Variants in FAM227A observed in about 807,000 individuals in gnomAD.
The protein encoded by FAM227A is family with sequence similarity 227 member A.
FAM227A carries 80 observed loss-of-function variants against 74.7 expected under a neutral mutation model. That is an observed-to-expected ratio of 1.07 (90% CI 0.89 to 1.29). FAM227A has a LOEUF of 1.29. Among genes scored for constraint, FAM227A ranks in the 50% most tolerant of loss-of-function variants. The pLI is 0.00. For synonymous variants in FAM227A, 237 were observed against 241.8 expected, an observed-to-expected ratio of 0.98 and a Z score of 0.19; for missense variants, 654 against 683.4, an observed-to-expected ratio of 0.96 and a Z score of 0.48.
intron 15 of FAM227A, among the ~76,000 whole-genome samples, chr22:38,593,100 C>T (rs568605284): frequency 2.0e-5 from 3 of 152,322 alleles, no homozygotes; most frequent in Non-Finnish European, 2.9e-5. Context: ...CCATGGATCC[C>T]GCCATCAAGG....
intron 3 of FAM227A, among the ~76,000 whole-genome samples, chr22:38,643,617 T>C (rs2092163734): frequency 6.6e-6 from 1 of 152,088 alleles, no homozygotes; most frequent in Non-Finnish European, 1.5e-5. Context: ...AACTAAACTC[T>C]CACCATAGGA....
chr22:38,611,162 T>C (rs936049620), intron 11 of FAM227A, among the ~76,000 whole-genome samples: 5 of 152,044 alleles, frequency 3.3e-5, no homozygotes, highest in African/African-American at 1.2e-4. Flanking sequence ...GGGTTGGGGG[T>C]AAACCAAGAC....
intron 3 of FAM227A, among the ~76,000 whole-genome samples, chr22:38,642,614 G>C (rs2092141057): frequency 6.6e-6 from 1 of 152,182 alleles, no homozygotes; most frequent in Admixed American, 6.6e-5. Flanking sequence ...ATATTTGCAA[G>C]AAAATCCAAC....
intron 11 of FAM227A, among the ~76,000 whole-genome samples, chr22:38,613,217 C>T (rs1179939684): frequency 4.0e-5 from 2 of 50,368 alleles, no homozygotes; most frequent in African/African-American, 1.7e-4. Flanking sequence ...TATATCTATG[C>T]TGTATATATA....
chr22:38,611,072 A>T (rs1602936399), intron 11 of FAM227A, among the ~76,000 whole-genome samples: 1 of 152,160 alleles, frequency 6.6e-6, no homozygotes. Context: ...AAAAAGAAAA[A>T]AAAAATCTTT....
intron 15 of FAM227A, among the ~76,000 whole-genome samples, chr22:38,596,657 A>G (rs2091050919): frequency 6.6e-6 from 1 of 151,462 alleles, no homozygotes; most frequent in Admixed American, 6.6e-5. Context: ...TGCCTGATGG[A>G]CAGTTCAGTG....
At chr22:38,646,575 A>T (rs1350299078) in intron 2 of FAM227A, among the ~76,000 whole-genome samples, 1 of 151,584 alleles carries the variant, frequency 6.6e-6, no homozygotes, top group African/African-American at 2.4e-5. Context: ...TATTTCTTAC[A>T]TACATATTTT....
chr22:38,645,424 AAAAT>A, intron 3 of FAM227A, 135 bp downstream of exon 3: 1 of 606,388 alleles, frequency 1.6e-6, no homozygotes, highest in Non-Finnish European at 2.9e-6. Context: ...AATTTTTAAA[AAAAT>A]TAACTTTGAA....
chr22:38,613,076 A>AAT (rs1219904485), intron 11 of FAM227A, among the ~76,000 whole-genome samples: 93 of 98,054 alleles, frequency 9.5e-4, no homozygotes, highest in African/African-American at 3.6e-3. Context: ...AATATATTAT[A>AAT]TATAATTATA....
intron 11 of FAM227A, among the ~76,000 whole-genome samples, chr22:38,616,580 C>T (rs2091581004): frequency 6.6e-6 from 1 of 151,674 alleles, no homozygotes. Flanking sequence ...GCAGAAGAAT[C>T]GCTTGAACCT....
At chr22:38,646,366 TCTC>T (rs2092239580) in intron 2 of FAM227A, among the ~76,000 whole-genome samples, 1 of 139,276 alleles carries the variant, frequency 7.2e-6, no homozygotes, top group South Asian at 2.4e-4. Context: ...TTCACGCCAT[TCTC>T]CTGCCTCAGC....
Position 38,597,345 on chromosome 22 carries a change from G to T in FAM227A, c.1391C>A (p.Pro464Gln). ...EKTTSTPDCT[P>Q]TYTDVISETL... is the part of the protein sequence containing the mutation. ...CTCGCTGATGACATCAGTATACGTT[G>T]GGGTGCAGTCAGTGGCTTCCGCTGT... Residue 464 changes from proline to glutamine, a missense_variant, in exon 15 of 17, where the codon CCA (proline) becomes CAA (glutamine). Physicochemically the swap from Pro to Gln is moderately conservative, Grantham distance 76 (BLOSUM62 -1). Transcript: ENST00000535113. 1 of 1,551,770 alleles carries T rather than the reference G, an allele frequency of 6.4e-7. No individual in the cohort carries two copies. Among genetic ancestry groups the T allele is most frequent in the East Asian group, 2.4e-5 (1 of 40,918 alleles).
intron 2 of FAM227A, among the ~76,000 whole-genome samples, chr22:38,647,294 G>A (rs2092256966): frequency 1.3e-5 from 2 of 151,958 alleles, no homozygotes; most frequent in South Asian, 2.1e-4. Flanking sequence ...GTGAAATCCC[G>A]TCTCTACTAA....
At chr22:38,616,404 T>C (rs2091576619) in intron 11 of FAM227A, among the ~76,000 whole-genome samples, 1 of 152,150 alleles carries the variant, frequency 6.6e-6, no homozygotes, top group East Asian at 1.9e-4. Flanking sequence ...GGCTCATGCC[T>C]GTAATCCCAG....
chr22:38,638,862 G>A (rs5757193), intron 4 of FAM227A, 40 bp from the exon 5 acceptor site: 379,505 of 1,350,380 alleles, frequency 0.28, 55,117 homozygotes, highest in East Asian at 0.35. Context: ...AGTAACCACA[G>A]GGTCTGTCCA....
chr22:38,619,512 C>T (rs183275959), intron 11 of FAM227A, among the ~76,000 whole-genome samples: 17 of 152,160 alleles, frequency 1.1e-4, no homozygotes, highest in Admixed American at 3.9e-4. Flanking sequence ...TTAGTAGAGA[C>T]GAGGTTTCAC....
At chr22:38,646,055 G>T (rs2092229838) in intron 2 of FAM227A, among the ~76,000 whole-genome samples, 1 of 152,054 alleles carries the variant, frequency 6.6e-6, no homozygotes, top group South Asian at 2.1e-4. Flanking sequence ...AAAGTGCTCA[G>T]ATCACAGGCA....
Position 38,645,163 on chromosome 22 carries a change from G to A in FAM227A, c.225+400C>T, listed in dbSNP as rs530175933. 3.3e-5 allele frequency among the ~76,000 whole-genome samples: 5 copies of A among 152,156 alleles called. No individual in the cohort carries two copies. The East Asian group carries it at 7.7e-4, about 24-fold the overall frequency. ...TCCTAGCACTTTGGGAGGCCAAGGC[G>A]GGCAGATCACGAAGTCAAGAGAGCG... On this transcript the variant is annotated intron_variant, in intron 3 of 16. Transcript: ENST00000535113.
rs1299579754 is a variant in FAM227A at position 38,579,711 on chromosome 22, A to T, written c.*6414T>A. 1 of 152,186 alleles carries T rather than the reference A, an allele frequency of 6.6e-6. No homozygotes were observed. Among genetic ancestry groups the T allele is most frequent in the Non-Finnish European group, 1.5e-5 (1 of 68,042 alleles). The allele number at this position is 152,186 out of a possible 1,614,324, so 9.4% of individuals were successfully genotyped here. On this transcript the variant is annotated 3_prime_UTR_variant, in exon 17 of 17. Coordinates refer to ENST00000535113, the MANE Select transcript of FAM227A (RefSeq NM_001013647.2). ...CATATTATTTGAGTACAAATTCCAT[A>T]AATCTTGTAATTCCATCTGTGAATA... is the stretch of plus-strand genomic sequence containing the variant.
Sources: allele counts gnomAD v4.1 joint callset (sites outside exome capture counted in the v4.1 genomes callset), GRCh38; gene constraint gnomAD v4.1.1; transcripts MANE v1.5; gene names NCBI Gene and HGNC (gene_info 2026-07-23, HGNC 2026-07-21).